SGCZ: variants seen among roughly 807,000 people sequenced by gnomAD.
SGCZ encodes the protein zeta-sarcoglycan.
A neutral mutation model predicts 41.3 loss-of-function variants in SGCZ; 40 were observed. The ratio of observed to expected loss-of-function variants is 0.97; its 90% CI spans 0.75 to 1.26. The LOEUF (loss-of-function observed/expected upper bound fraction) is 1.26, where lower values mean the gene tolerates loss of function less well. Among genes scored for constraint, SGCZ ranks in the 50% most tolerant of loss-of-function variants. The probability of loss-of-function intolerance (pLI) is 0.00; values close to 1 mark genes in which losing one functional copy is unlikely to be tolerated. For synonymous variants in SGCZ, 206 were observed against 137.5 expected (o/e 1.50, Z -3.49); for missense variants, 552 against 369.8 (o/e 1.49, Z -4.04).
At chr8:14,287,094 T>A (rs545221755) in intron 3 of SGCZ, among the ~76,000 whole-genome samples, 1 of 151,900 alleles carries the variant, frequency 6.6e-6, no homozygotes, top group African/African-American at 2.4e-5. Context: ...CATAAGTAAT[T>A]GTCACATAAG....
intron 3 of SGCZ, among the ~76,000 whole-genome samples, chr8:14,301,587 C>A (rs1372781367): frequency 6.6e-6 from 1 of 152,082 alleles, no homozygotes; most frequent in Non-Finnish European, 1.5e-5. Context: ...ATTTCTCAGT[C>A]TTCAACTTTG....
chr8:14,781,266 G>T (rs1312205753), intron 1 of SGCZ, among the ~76,000 whole-genome samples: 2 of 151,948 alleles, frequency 1.3e-5, no homozygotes, highest in Non-Finnish European at 2.9e-5. Context: ...AGGTCTCATT[G>T]TGTCACCCAG....
intron 4 of SGCZ, among the ~76,000 whole-genome samples, chr8:14,180,217 G>A (rs1038712567): frequency 6.6e-6 from 1 of 152,174 alleles, no homozygotes; most frequent in East Asian, 1.9e-4. Context: ...GGGTGAGGGC[G>A]AGTTGAAGGC....
intron 3 of SGCZ, among the ~76,000 whole-genome samples, chr8:14,323,205 A>G (rs1203046937): frequency 6.6e-6 from 1 of 152,108 alleles, no homozygotes; most frequent in Non-Finnish European, 1.5e-5. Flanking sequence ...TTCATACTTA[A>G]GGAAAAATAA....
At chr8:15,004,436 C>G (rs1802528905) in intron 1 of SGCZ, among the ~76,000 whole-genome samples, 1 of 152,060 alleles carries the variant, frequency 6.6e-6, no homozygotes, top group South Asian at 2.1e-4. Flanking sequence ...CCAAAAAAGG[C>G]AGACACTTAA....
At chr8:14,193,959 G>T (rs1805186532) in intron 4 of SGCZ, among the ~76,000 whole-genome samples, 1 of 151,682 alleles carries the variant, frequency 6.6e-6, no homozygotes, top group South Asian at 2.1e-4. Context: ...TGAAACTGGA[G>T]GGATAGCTAC....
intron 1 of SGCZ, among the ~76,000 whole-genome samples, chr8:14,709,168 T>C (rs1243492265): frequency 6.6e-6 from 1 of 152,188 alleles, no homozygotes; most frequent in Non-Finnish European, 1.5e-5. Flanking sequence ...AGCATCTTAC[T>C]AAAAAGCATT....
intron 3 of SGCZ, among the ~76,000 whole-genome samples, chr8:14,287,514 G>C (rs1416650625): frequency 6.6e-6 from 1 of 151,914 alleles, no homozygotes; most frequent in Non-Finnish European, 1.5e-5. Flanking sequence ...CTCTAACTCA[G>C]CAAACCTATT....
At chr8:14,220,361 G>A (rs1806149920) in intron 4 of SGCZ, among the ~76,000 whole-genome samples, 1 of 152,044 alleles carries the variant, frequency 6.6e-6, no homozygotes, top group Non-Finnish European at 1.5e-5. Context: ...TGTATCATAT[G>A]TGAATTTATT....
chr8:14,348,510 C>T (rs532218315), intron 2 of SGCZ, among the ~76,000 whole-genome samples: 3 of 152,156 alleles, frequency 2.0e-5, no homozygotes, highest in African/African-American at 7.2e-5. Context: ...TCTCTAATCC[C>T]ATAGATTGAA....
intron 1 of SGCZ, among the ~76,000 whole-genome samples, chr8:14,722,511 A>C (rs1298727222): frequency 6.6e-6 from 1 of 152,080 alleles, no homozygotes; most frequent in Admixed American, 6.6e-5. Flanking sequence ...ACTTTTATGT[A>C]TGTATTTATG....
chr8:15,117,399 G>A (rs1205488045), intron 1 of SGCZ, among the ~76,000 whole-genome samples: 1 of 151,928 alleles, frequency 6.6e-6, no homozygotes, highest in Non-Finnish European at 1.5e-5. Context: ...GCTCTAATGT[G>A]CTGGGCATTG....
chr8:14,580,016 A>G (rs1421446968), intron 1 of SGCZ, among the ~76,000 whole-genome samples: 1 of 152,232 alleles, frequency 6.6e-6, no homozygotes, highest in Non-Finnish European at 1.5e-5. Context: ...GCTCTGAAGC[A>G]CTGAAGGCCT....
At chr8:14,540,316 T>A (rs904686482) in intron 2 of SGCZ, among the ~76,000 whole-genome samples, 1 of 150,788 alleles carries the variant, frequency 6.6e-6, no homozygotes, top group Non-Finnish European at 1.5e-5. Flanking sequence ...TGACCTTTTT[T>A]TCATTAGAGG....
At chr8:15,116,724 C>A (rs537271943) in intron 1 of SGCZ, among the ~76,000 whole-genome samples, 1 of 152,284 alleles carries the variant, frequency 6.6e-6, no homozygotes, top group South Asian at 2.1e-4. Flanking sequence ...AACTTGCTTA[C>A]TATGCCACAA....
intron 1 of SGCZ, among the ~76,000 whole-genome samples, chr8:14,627,178 G>C (rs1297467029): frequency 6.6e-6 from 1 of 152,166 alleles, no homozygotes; most frequent in Admixed American, 6.5e-5. Context: ...TTATTTGGAA[G>C]TGTGCAAGTT....
At chr8:14,772,027 A>T (rs538806527) in intron 1 of SGCZ, among the ~76,000 whole-genome samples, 1 of 152,298 alleles carries the variant, frequency 6.6e-6, no homozygotes, top group East Asian at 1.9e-4. Context: ...TGAAAGTGAT[A>T]CGTGTTCAGT....
At chr8:15,210,524 A>G (rs1801201798) in intron 1 of SGCZ, among the ~76,000 whole-genome samples, 1 of 152,086 alleles carries the variant, frequency 6.6e-6, no homozygotes, top group African/African-American at 2.4e-5. Context: ...CTTACTTGCA[A>G]CCTGGCTCTT....
intron 4 of SGCZ, among the ~76,000 whole-genome samples, chr8:14,167,293 G>A (rs942915985): frequency 3.3e-5 from 5 of 152,236 alleles, no homozygotes; most frequent in South Asian, 4.1e-4. Flanking sequence ...GCAGGATTCA[G>A]TTACTTAGAG....
Sources: allele counts gnomAD v4.1 joint callset (sites outside exome capture counted in the v4.1 genomes callset), GRCh38; gene constraint gnomAD v4.1.1; transcripts MANE v1.5; gene names NCBI Gene and HGNC (gene_info 2026-07-23, HGNC 2026-07-21).